WWOX: variants seen among roughly 807,000 people sequenced by gnomAD.
WWOX encodes WW domain containing oxidoreductase.
In WWOX, 69 loss-of-function variants were observed where a neutral mutation model predicts 46.2. The observed-to-expected ratio is 1.49, with a 90% CI of 1.23 to 1.82. WWOX has a LOEUF of 1.82. WWOX is among the 40% of genes most tolerant of loss of function. The probability of loss-of-function intolerance (pLI) is 0.00; values close to 1 mark genes in which losing one functional copy is unlikely to be tolerated. For missense variants in WWOX, 919 were observed against 542.6 expected, an observed-to-expected ratio of 1.69 and a Z score of -6.89; for synonymous variants, 359 against 202.6, an observed-to-expected ratio of 1.77 and a Z score of -6.56.
rs372238691 is a variant in WWOX, at chr16:79,146,476, G to C, written c.1057-65132G>C. Among the ~76,000 whole-genome samples the C allele has an allele frequency of 3.3e-5, 5 of 152,268 alleles. No homozygotes were observed. In the East Asian group the frequency reaches 5.8e-4, roughly 18 times the overall value. On this transcript the variant is annotated intron_variant, in intron 8 of 8. Transcript: ENST00000566780. Reference sequence around the variant, plus strand: ...GGGCAGCGTAGTAGAAGGGTCTTGAGATTTGGAGTCGTAACGAGTTTTCAA... The same window carrying C: ...GGGCAGCGTAGTAGAAGGGTCTTGACATTTGGAGTCGTAACGAGTTTTCAA...
intron 5 of WWOX, among the ~76,000 whole-genome samples, chr16:78,293,757 C>G (rs1377824832): frequency 6.6e-6 from 1 of 151,998 alleles, no homozygotes; most frequent in Admixed American, 6.6e-5. Context: ...GCTGGCAGAT[C>G]ACGAGGTCAG....
chr16:79,081,428 C>T (rs979077054), intron 8 of WWOX, among the ~76,000 whole-genome samples: 5 of 152,104 alleles, frequency 3.3e-5, no homozygotes, highest in East Asian at 1.9e-4. Flanking sequence ...CCTCCCAAAG[C>T]GCTGGGATTA....
chr16:78,709,116 T>C (rs1221363989), intron 8 of WWOX, among the ~76,000 whole-genome samples: 5 of 152,164 alleles, frequency 3.3e-5, no homozygotes, highest in African/African-American at 1.2e-4. Flanking sequence ...TGAAGTTCCC[T>C]ACTCTCCTCC....
intron 8 of WWOX, among the ~76,000 whole-genome samples, chr16:78,790,593 G>C (rs1021670706): frequency 4.1e-4 from 63 of 152,302 alleles, no homozygotes; most frequent in African/African-American, 1.4e-3. Context: ...AAACTGAAAA[G>C]AGGAGCCTGT....
At chr16:78,141,968 T>C (rs1358200070) in intron 4 of WWOX, among the ~76,000 whole-genome samples, 1 of 147,834 alleles carries the variant, frequency 6.8e-6, no homozygotes, top group Non-Finnish European at 1.5e-5. Context: ...GATTTCTAAA[T>C]TCTTCCTTAT....
intron 8 of WWOX, among the ~76,000 whole-genome samples, chr16:78,916,594 C>G (rs992015649): frequency 2.0e-5 from 3 of 152,168 alleles, no homozygotes; most frequent in East Asian, 1.9e-4. Flanking sequence ...ATAATTATAC[C>G]AAGACAACAG....
intron 5 of WWOX, among the ~76,000 whole-genome samples, chr16:78,301,601 A>G (rs78168800): frequency 0.026 from 4,018 of 152,252 alleles, 197 homozygotes; most frequent in African/African-American, 0.092. Context: ...TATCTCTAAC[A>G]GAATAGGCTT....
At chr16:78,412,252 C>G (rs1321586838) in intron 6 of WWOX, among the ~76,000 whole-genome samples, 2 of 152,104 alleles carry the variant, frequency 1.3e-5, no homozygotes, top group South Asian at 2.1e-4. Flanking sequence ...TTGCAAATAT[C>G]AGCCATTACA....
At chr16:78,725,866 G>T (rs1284278901) in intron 8 of WWOX, among the ~76,000 whole-genome samples, 2 of 151,954 alleles carry the variant, frequency 1.3e-5, no homozygotes, top group Middle Eastern at 6.3e-3. Flanking sequence ...ATCTGCCTTT[G>T]TCGCTGCATG....
chr16:78,156,243 A>T (rs2034592647), intron 4 of WWOX, among the ~76,000 whole-genome samples: 1 of 152,172 alleles, frequency 6.6e-6, no homozygotes, highest in Non-Finnish European at 1.5e-5. Context: ...CCTTTCTGGT[A>T]ATAAAAAGTC....
At chr16:78,677,493 A>G (rs1005159251) in intron 8 of WWOX, among the ~76,000 whole-genome samples, 2 of 152,210 alleles carry the variant, frequency 1.3e-5, no homozygotes, top group Non-Finnish European at 2.9e-5. Flanking sequence ...CAGGTCAAAC[A>G]TCCTGAGCCT....
intron 5 of WWOX, among the ~76,000 whole-genome samples, chr16:78,379,337 C>A (rs915465376): frequency 6.6e-6 from 1 of 152,134 alleles, no homozygotes; most frequent in African/African-American, 2.4e-5. Context: ...CTGTAAACAG[C>A]AACCCTTCTC....
At chr16:79,047,880 T>C (rs2048095423) in intron 8 of WWOX, among the ~76,000 whole-genome samples, 1 of 151,480 alleles carries the variant, frequency 6.6e-6, no homozygotes, top group Non-Finnish European at 1.5e-5. Context: ...AACTCATTGA[T>C]TCAGATTCAC....
intron 8 of WWOX, among the ~76,000 whole-genome samples, chr16:78,922,883 A>T (rs1460830662): frequency 6.6e-6 from 1 of 152,224 alleles, no homozygotes; most frequent in South Asian, 2.1e-4. Context: ...TATTAATCAT[A>T]CTAAAAATAA....
chr16:78,872,555 C>G (rs573665702), intron 8 of WWOX, among the ~76,000 whole-genome samples: 1 of 152,226 alleles, frequency 6.6e-6, no homozygotes, highest in South Asian at 2.1e-4. Context: ...GCCTCAATTT[C>G]TTTGTTTTAA....
intron 8 of WWOX, among the ~76,000 whole-genome samples, chr16:78,602,370 C>G (rs918499989): frequency 9.9e-5 from 15 of 152,078 alleles, no homozygotes; most frequent in Admixed American, 2.0e-4. Context: ...GTAGCTGGGA[C>G]TAAAGGCACG....
intron 8 of WWOX, among the ~76,000 whole-genome samples, chr16:78,959,606 C>G (rs1354264906): frequency 6.6e-6 from 1 of 152,124 alleles, no homozygotes; most frequent in Non-Finnish European, 1.5e-5. Flanking sequence ...AGTATTGACT[C>G]TCAGTGTGAT....
At chr16:78,320,390 C>G (rs1441349866) in intron 5 of WWOX, among the ~76,000 whole-genome samples, 1 of 152,122 alleles carries the variant, frequency 6.6e-6, no homozygotes, top group Non-Finnish European at 1.5e-5. Flanking sequence ...CTGTGAACTC[C>G]AAGTAGACGG....
chr16:78,653,866 T>C (rs1276404890), intron 8 of WWOX, among the ~76,000 whole-genome samples: 2 of 152,234 alleles, frequency 1.3e-5, no homozygotes, highest in Admixed American at 6.5e-5. Flanking sequence ...GAGTTGGGTT[T>C]GAATCACGTT....
Sources: gnomAD v4.1 joint callset for allele counts (sites outside exome capture counted in the v4.1 genomes callset) on GRCh38, gnomAD v4.1.1 for gene constraint, MANE v1.5 for transcripts, NCBI Gene and HGNC (gene_info 2026-07-23, HGNC 2026-07-21) for gene names.